Variants in POLR3B observed in about 807,000 individuals in gnomAD.
POLR3B encodes RNA polymerase III subunit B.
Under a neutral mutation model 147.4 loss-of-function variants are expected in POLR3B, and 96 were observed. That is an observed-to-expected ratio of 0.65 (90% confidence interval 0.55 to 0.77). The LOEUF (loss-of-function observed/expected upper bound fraction) is 0.77. POLR3B is among the 30% of genes least tolerant of loss of function. POLR3B has a pLI of 0.00. For missense variants in POLR3B, 1,036 were observed against 1,413.5 expected (o/e 0.73, Z 4.28); for synonymous variants, 461 against 485.9 (o/e 0.95, Z 0.67).
chr12:106,491,291 A>G (rs1225564515), intron 23 of POLR3B, among the ~76,000 whole-genome samples: 1 of 152,196 alleles, frequency 6.6e-6, no homozygotes, highest in East Asian at 1.9e-4. Context: ...CCGCACCCCC[A>G]AAGTAACATA....
At chr12:106,397,922 C>T (rs973259837) in intron 10 of POLR3B, among the ~76,000 whole-genome samples, 2 of 152,210 alleles carry the variant, frequency 1.3e-5, no homozygotes, top group African/African-American at 2.4e-5. Context: ...GCGTGAACGA[C>T]GCACTAAGAC....
intron 9 of POLR3B, among the ~76,000 whole-genome samples, chr12:106,388,596 G>A (rs1645096838): frequency 1.3e-5 from 2 of 152,138 alleles, no homozygotes; most frequent in African/African-American, 2.4e-5. Context: ...GATTACAGGC[G>A]TGAGCCAATG....
In POLR3B at chr12:106,503,077, A is replaced by G. The variant is rs374408401; in HGVS notation, c.3099-1004A>G. Among the ~76,000 whole-genome samples the G allele has an allele frequency of 1.8e-4, 28 of 152,302 alleles. No homozygotes were observed. The South Asian group carries it at 5.8e-3, about 32-fold the overall frequency. ...TTACCTCGTTCACTGACCTCAAGTG[A>G]AGGGAGCAACTACCCATTTGTGTTT... On this transcript the variant is annotated intron_variant, in intron 26 of 27. Transcript: ENST00000228347.
At chr12:106,389,517 C>T (rs1370734684) in intron 9 of POLR3B, among the ~76,000 whole-genome samples, 1 of 152,040 alleles carries the variant, frequency 6.6e-6, no homozygotes, top group African/African-American at 2.4e-5. Flanking sequence ...GCAATCCATA[C>T]GTCAAATGAG....
intron 19 of POLR3B, among the ~76,000 whole-genome samples, chr12:106,446,807 C>T (rs538788064): frequency 5.9e-5 from 9 of 152,036 alleles, no homozygotes; most frequent in African/African-American, 1.9e-4. Context: ...AGAAAAGCAG[C>T]GAGATAAAAG....
chr12:106,486,644 C>A (rs2038344779), intron 23 of POLR3B, among the ~76,000 whole-genome samples: 1 of 152,174 alleles, frequency 6.6e-6, no homozygotes, highest in African/African-American at 2.4e-5. Context: ...TGCCACAAAT[C>A]CAGAATAAAT....
chr12:106,451,842 G>C (rs1245931572), intron 19 of POLR3B, among the ~76,000 whole-genome samples: 3 of 152,052 alleles, frequency 2.0e-5, no homozygotes, highest in African/African-American at 7.2e-5. Context: ...ACCTTGTAGT[G>C]CCAGCTTGTG....
intron 23 of POLR3B, among the ~76,000 whole-genome samples, chr12:106,479,622 A>T (rs2038235405): frequency 6.6e-6 from 1 of 151,986 alleles, no homozygotes; most frequent in Non-Finnish European, 1.5e-5. Context: ...TGACCTCGTG[A>T]TCCACCTGCC....
Position 106,457,179 on chromosome 12 carries a change from T to A in POLR3B, c.2335T>A (p.Leu779Met). ...CLVYKNAKCT[L>M]KRYTNQTFDK... ...TGTATATAAAAATGCTAAATGTACG[T>A]TGAAACGATACACCAATCAGACTTT... is the stretch of plus-strand genomic sequence containing the variant. The change falls in exon 21 of 28, where the codon TTG becomes ATG. Residue 779 changes from leucine to methionine, a missense_variant. By Grantham distance (15) the Leu-to-Met change is conservative (BLOSUM62 2). This residue lies in a region of POLR3B where 202 missense variants were observed against 272.8 expected (regional missense o/e 0.74). Coordinates refer to ENST00000228347, the MANE Select transcript of POLR3B (RefSeq NM_018082.6). The A allele has an allele frequency of 6.2e-7, 1 of 1,613,450 alleles. No individual in the cohort carries two copies. Among genetic ancestry groups the A allele is most frequent in the South Asian group, 1.1e-5 (1 of 91,062 alleles).
chr12:106,441,611 A>G (rs2037652156), intron 18 of POLR3B, among the ~76,000 whole-genome samples: 1 of 152,202 alleles, frequency 6.6e-6, no homozygotes, highest in South Asian at 2.1e-4. Flanking sequence ...GACTGTATAC[A>G]TATATATATT....
At position 106,370,640 on chromosome 12, in the gene POLR3B, T is replaced by C. The variant is rs545016503; in HGVS notation, c.404+957T>C. Among the ~76,000 whole-genome samples the C allele has an allele frequency of 6.6e-4, 100 of 150,520 alleles. 1 individual carries two copies. The highest frequency in any genetic ancestry group is 4.2e-4 in the South Asian group (2 of 4,776). ...TTTTTTTTGTTTTATTGTTTTTTTT[T>C]TTTTTTTTTGAGACAGAGTCTTACT... On this transcript the variant is annotated intron_variant, in intron 6 of 27. Coordinates refer to ENST00000228347, the MANE Select transcript of POLR3B (RefSeq NM_018082.6).
At chr12:106,413,964 A>T (rs1159603298) in intron 12 of POLR3B, among the ~76,000 whole-genome samples, 1 of 152,014 alleles carries the variant, frequency 6.6e-6, no homozygotes, top group African/African-American at 2.4e-5. Context: ...ATTCTGAAAC[A>T]TTCAGAAGAG....
intron 11 of POLR3B, 79 bp downstream of exon 11, chr12:106,406,055 C>A: frequency 6.6e-7 from 1 of 1,509,544 alleles, no homozygotes; most frequent in East Asian, 2.3e-5. Flanking sequence ...AAGAGTTTAC[C>A]TTATTTAAAG....
Position 106,504,042 on chromosome 12 carries a change from C to T in POLR3B, c.3099-39C>T, listed in dbSNP as rs2038646955. ...TGATGCTACCTCTTTGTTTGTTTAA[C>T]AGAATAATAACACATTTGTCTAATA... On this transcript the variant is annotated intron_variant, in intron 26 of 27. Coordinates refer to ENST00000228347, the MANE Select transcript of POLR3B (RefSeq NM_018082.6). The surrounding 1 kb of genome is among the most constrained non-coding windows in gnomAD (Gnocchi z 4.6). 1 of 1,590,132 alleles carries T rather than the reference C, an allele frequency of 6.3e-7. No homozygotes were observed. The highest frequency in any genetic ancestry group is 8.6e-7 in the Non-Finnish European group (1 of 1,158,098).
intron 4 of POLR3B, among the ~76,000 whole-genome samples, chr12:106,367,786 A>T (rs527896327): frequency 6.6e-6 from 1 of 152,310 alleles, no homozygotes; most frequent in African/African-American, 2.4e-5. Flanking sequence ...TTTGTAATTA[A>T]TAAGTATCTT....
intron 23 of POLR3B, among the ~76,000 whole-genome samples, chr12:106,471,920 G>C (rs1239069618): frequency 6.7e-6 from 1 of 149,920 alleles, no homozygotes; most frequent in African/African-American, 2.5e-5. Context: ...GTGCAGGTTA[G>C]TTACATATGT....
At chr12:106,363,353 C>T (rs2036493356) in intron 1 of POLR3B, among the ~76,000 whole-genome samples, 1 of 152,196 alleles carries the variant, frequency 6.6e-6, no homozygotes, top group Non-Finnish European at 1.5e-5. Context: ...CCTGCTATTC[C>T]TACAATGTTC....
At chr12:106,494,187 C>CTT (rs1214237204) in intron 23 of POLR3B, among the ~76,000 whole-genome samples, 4 of 152,126 alleles carry the variant, frequency 2.6e-5, no homozygotes, top group African/African-American at 9.7e-5. Context: ...GTTGAATTTG[C>CTT]TTAATTAAAT....
intron 12 of POLR3B, among the ~76,000 whole-genome samples, chr12:106,423,468 G>A (rs941913994): frequency 1.3e-5 from 2 of 152,288 alleles, no homozygotes; most frequent in Middle Eastern, 6.8e-3. Context: ...GAGAACCAGA[G>A]AAGCTAGCGG....
Sources: allele counts gnomAD v4.1 joint callset (sites outside exome capture counted in the v4.1 genomes callset), GRCh38; gene constraint gnomAD v4.1.1; regional missense constraint gnomAD v4.1.1; non-coding constraint Gnocchi (gnomAD v3.1); transcripts MANE v1.5; gene names NCBI Gene and HGNC (gene_info 2026-07-23, HGNC 2026-07-21).